Variants in KALRN observed in about 807,000 individuals in gnomAD.
KALRN encodes the protein kalirin.
A neutral mutation model predicts 353.7 loss-of-function variants in KALRN; 70 were observed. That is an observed-to-expected ratio of 0.20 (90% CI 0.16 to 0.24). KALRN has a LOEUF of 0.24. Ranked by LOEUF, KALRN falls within the 10% of genes least tolerant of loss-of-function variation. The pLI, the probability that KALRN is intolerant of heterozygous loss-of-function variation, is 1.00. For synonymous variants in KALRN, 1,391 were observed against 1,434.8 expected (o/e 0.97, Z 0.69); for missense variants, 2,791 against 3,756.7 (o/e 0.74, Z 6.72).
In KALRN at chr3:124,697,978, A is replaced by AT. The variant is rs550628239; in HGVS notation, c.7831+262dup. Among the ~76,000 whole-genome samples the AT allele has an allele frequency of 1.0e-3, 157 of 151,288 alleles. 2 individuals are homozygous for AT. The highest frequency in any genetic ancestry group is 1.5e-3 in the African/African-American group (60 of 41,212). On this transcript the variant is annotated intron_variant, in intron 55 of 59. Coordinates refer to ENST00000682506, the MANE Select transcript of KALRN (RefSeq NM_001388419.1). Reference sequence around the variant, plus strand: ...TTATTTTCCTTTATTTTTATTGTTTATTTTTTTTGAGACAGGGTTTGGCTC... The same window carrying AT: ...TTATTTTCCTTTATTTTTATTGTTTATTTTTTTTTGAGACAGGGTTTGGCTC...
chr3:124,675,955 G>A (rs966355960), intron 49 of KALRN, among the ~76,000 whole-genome samples: 25 of 152,144 alleles, frequency 1.6e-4, no homozygotes, highest in African/African-American at 5.1e-4. Flanking sequence ...CACAGGCCCA[G>A]CCAAAAATCC....
chr3:124,686,962 C>T (rs181529847), intron 51 of KALRN, among the ~76,000 whole-genome samples: 4 of 151,764 alleles, frequency 2.6e-5, no homozygotes, highest in East Asian at 3.9e-4. Flanking sequence ...ACTACAGGCA[C>T]GTGCCACCAT....
chr3:124,471,255 T>TA (rs1207802342), intron 25 of KALRN, among the ~76,000 whole-genome samples: 2 of 127,050 alleles, frequency 1.6e-5, no homozygotes, highest in South Asian at 2.6e-4. Context: ...CCCCACAAAG[T>TA]TTTATTATTA....
chr3:124,287,774 T>G (rs1309107157), intron 5 of KALRN, among the ~76,000 whole-genome samples: 13 of 1,402 alleles, frequency 9.3e-3, no homozygotes, highest in African/African-American at 0.01. Context: ...TAGGAAGATA[T>G]ATATATATAT....
intron 14 of KALRN, among the ~76,000 whole-genome samples, chr3:124,419,899 A>G (rs1286977980): frequency 6.6e-6 from 1 of 152,202 alleles, no homozygotes; most frequent in Non-Finnish European, 1.5e-5. Context: ...ATAGATTGAG[A>G]GCAGTAAAGT....
chr3:124,608,232 C>T (rs1561410533), intron 34 of KALRN, among the ~76,000 whole-genome samples: 1 of 151,936 alleles, frequency 6.6e-6, no homozygotes, highest in Admixed American at 6.6e-5. Context: ...GTCTCAAATT[C>T]CTGGGCCCAA....
intron 1 of KALRN, among the ~76,000 whole-genome samples, chr3:124,063,395 C>A (rs2042115305): frequency 6.6e-6 from 1 of 152,128 alleles, no homozygotes; most frequent in South Asian, 2.1e-4. Context: ...TGGGTCATTT[C>A]AAGAGGCGTG....
chr3:124,686,410 C>T (rs1234204663), intron 51 of KALRN, among the ~76,000 whole-genome samples: 1 of 152,130 alleles, frequency 6.6e-6, no homozygotes, highest in Non-Finnish European at 1.5e-5. Flanking sequence ...TCTTAGGTAG[C>T]CTGTCTCCCA....
chr3:124,376,348 C>T (rs1243812456), intron 10 of KALRN, among the ~76,000 whole-genome samples: 14 of 152,126 alleles, frequency 9.2e-5, no homozygotes, highest in Admixed American at 3.3e-4. Flanking sequence ...TACTTGTTCC[C>T]TTATTCAGGG....
chr3:124,457,073 AG>A (rs2059380792), intron 23 of KALRN, among the ~76,000 whole-genome samples: 6 of 150,666 alleles, frequency 4.0e-5, no homozygotes, highest in Non-Finnish European at 8.9e-5. Context: ...TTTTTTTTTA[AG>A]TTTTTTATTT....
intron 34 of KALRN, among the ~76,000 whole-genome samples, chr3:124,599,698 T>TA (rs1436039250): frequency 2.0e-5 from 3 of 152,244 alleles, no homozygotes; most frequent in Non-Finnish European, 4.4e-5. Context: ...CAAAGGGATT[T>TA]AAAAACCAGA....
rs534803975 is a variant in KALRN at position 124,198,906 on chromosome 3, T to C, written c.74-29084T>C. 8.5e-5 allele frequency among the ~76,000 whole-genome samples: 13 copies of C among 152,286 alleles called. No homozygotes were observed. In the South Asian group the frequency reaches 2.7e-3, roughly 32 times the overall value. On this transcript the variant is annotated intron_variant, in intron 1 of 59. Coordinates refer to ENST00000682506, the MANE Select transcript of KALRN (RefSeq NM_001388419.1). Reference sequence around the variant, plus strand: ...CAGAGCAGAGGCTGGGAATGGATCATGGGGCCTCAGCCAGAATCTGGAAGT... The same window carrying C: ...CAGAGCAGAGGCTGGGAATGGATCACGGGGCCTCAGCCAGAATCTGGAAGT...
At chr3:124,377,059 A>G (rs1365028402) in intron 10 of KALRN, among the ~76,000 whole-genome samples, 1 of 152,204 alleles carries the variant, frequency 6.6e-6, no homozygotes, top group Admixed American at 6.5e-5. Context: ...GGAGAAGTAC[A>G]TGTTTCAGTG....
intron 34 of KALRN, among the ~76,000 whole-genome samples, chr3:124,623,427 C>CACAA (rs139583497): frequency 0.076 from 11,239 of 147,104 alleles, 522 homozygotes; most frequent in East Asian, 0.12. Flanking sequence ...CACACACACA[C>CACAA]AAAAGGGAGT....
chr3:124,278,824 G>A (rs1302948617), intron 5 of KALRN, among the ~76,000 whole-genome samples: 1 of 152,148 alleles, frequency 6.6e-6, no homozygotes, highest in African/African-American at 2.4e-5. Context: ...TATCCTGCCT[G>A]GGGTGATGAA....
intron 5 of KALRN, among the ~76,000 whole-genome samples, chr3:124,270,721 G>A (rs528103953): frequency 6.6e-6 from 1 of 152,092 alleles, no homozygotes; most frequent in African/African-American, 2.4e-5. Context: ...ATTGCTCACC[G>A]AGTGATTAGA....
intron 6 of KALRN, among the ~76,000 whole-genome samples, chr3:124,325,086 T>A (rs993035101): frequency 3.3e-5 from 5 of 152,188 alleles, no homozygotes; most frequent in African/African-American, 1.2e-4. Flanking sequence ...TTTTCTTTTG[T>A]CTCGTTCCTT....
chr3:124,086,309 TTGTGTGTGTGTGTGTGTG>T (rs59443298), intron 1 of KALRN, among the ~76,000 whole-genome samples: 26 of 141,846 alleles, frequency 1.8e-4, no homozygotes, highest in African/African-American at 3.4e-4. Context: ...GGTTGTTTTG[TTGTGTGTGTGTGTGTGTG>T]TGTGTGTGTG....
chr3:124,719,471 C>T lies in KALRN; in HGVS notation c.*1C>T, dbSNP rs1314329622. 1 of 1,609,716 alleles carries T rather than the reference C, an allele frequency of 6.2e-7. No individual in the cohort carries two copies. The highest frequency in any genetic ancestry group is 2.2e-5 in the East Asian group (1 of 44,842). On this transcript the variant is annotated 3_prime_UTR_variant, in exon 60 of 60. Coordinates refer to ENST00000682506, the MANE Select transcript of KALRN (RefSeq NM_001388419.1). The surrounding 1 kb of genome is among the most constrained non-coding windows in gnomAD (Gnocchi z 5.3). ...CAACCGGGTGAACCAAGGGACGTAG[C>T]CATCTCCCAGCCCCTATGGTTTCAC...
Sources: allele counts gnomAD v4.1 joint callset (sites outside exome capture counted in the v4.1 genomes callset), GRCh38; gene constraint gnomAD v4.1.1; non-coding constraint Gnocchi (gnomAD v3.1); transcripts MANE v1.5; gene names NCBI Gene and HGNC (gene_info 2026-07-23, HGNC 2026-07-21).